ZSCAN2: variants seen among roughly 807,000 people sequenced by gnomAD.
ZSCAN2 encodes zinc finger and SCAN domain containing 2.
In ZSCAN2, 26 loss-of-function variants were observed where a neutral mutation model predicts 47.8. The observed-to-expected ratio is 0.54, with a 90% CI of 0.40 to 0.75. The LOEUF (loss-of-function observed/expected upper bound fraction) is 0.75. ZSCAN2 is among the 30% of genes least tolerant of loss of function. The pLI, the probability that ZSCAN2 is intolerant of heterozygous loss-of-function variation, is 0.00. For missense variants in ZSCAN2, 732 were observed against 785.4 expected, an observed-to-expected ratio of 0.93 and a Z score of 0.81; for synonymous variants, 305 against 288.7, an observed-to-expected ratio of 1.06 and a Z score of -0.57.
rs747880968 is a variant in ZSCAN2 at position 84,616,259 on chromosome 15, C to G, written c.407-4343C>G. On this transcript the variant is annotated intron_variant, in intron 2 of 2. Transcript: ENST00000546148. ...CTCAAAAAAATAAATAAATAAATAC[C>G]TTGGATTAATGTGCGTGGGTCAAAG... The G allele has an allele frequency of 3.7e-5, 34 of 927,080 alleles. No homozygotes were observed. The Admixed American group carries it at 5.6e-4, about 15-fold the overall frequency. The allele number at this position is 927,080 out of a possible 1,614,324, so 57.4% of individuals were successfully genotyped here. A position where few individuals can be genotyped will look rare whatever the true frequency, so the allele number is the denominator to read the frequency against.
Position 84,621,662 on chromosome 15 carries a change from C to A in ZSCAN2, c.1467C>A (p.Leu489=), listed in dbSNP as rs1157796846. Residue 489 remains leucine, a synonymous_variant, in exon 3 of 3, where the codon CTC becomes CTA. Transcript: ENST00000546148. This position sits in a 1 kb window ranked among gnomAD's most constrained non-coding sequence, Gnocchi z 5.7. ...CGESFSWSSN[L]LKHQRIHTGE... is the part of the protein sequence containing the mutation. The stretch of plus-strand genomic sequence containing the variant: ...AGAGCTTCAGCTGGAGCTCCAACCT[C>A]CTCAAGCACCAGAGGATCCACACGG... 1 of 1,613,860 alleles carries A rather than the reference C, an allele frequency of 6.2e-7. No individual in the cohort carries two copies. Among genetic ancestry groups the A allele is most frequent in the African/African-American group, 1.3e-5 (1 of 74,910 alleles).
At position 84,614,842 on chromosome 15, in the gene ZSCAN2, C is replaced by T. The variant is rs571571884; in HGVS notation, c.407-5760C>T. The stretch of plus-strand genomic sequence containing the variant: ...TCTTTCCCCTTGTAAGTGATTTGAT[C>T]CTTTTGCTGTTGTCCACTGGTCTTA... On this transcript the variant is annotated intron_variant, in intron 2 of 2. Coordinates refer to ENST00000546148, the MANE Select transcript of ZSCAN2 (RefSeq NM_181877.4). 2.0e-5 allele frequency: 3 copies of T among 152,212 alleles called. No homozygotes were observed. The East Asian group carries it at 5.8e-4, about 29-fold the overall frequency. 9.4% of individuals were successfully genotyped at this position (152,212 alleles called of 1,614,324 possible).
chr15:84,612,596 G>A (rs527812820), intron 2 of ZSCAN2, among the ~76,000 whole-genome samples: 2 of 152,230 alleles, frequency 1.3e-5, no homozygotes, highest in South Asian at 2.1e-4. Flanking sequence ...TTAGCCGGAC[G>A]TGGTGTCCGG....
chr15:84,603,855 C>A lies in ZSCAN2; in HGVS notation c.-73C>A. 6.5e-7 allele frequency: 1 copy of A among 1,527,440 alleles called. No individual in the cohort carries two copies. The highest frequency in any genetic ancestry group is 1.3e-5 in the South Asian group (1 of 78,164). The allele number at this position is 1,527,440 out of a possible 1,614,324, so 94.6% of individuals were successfully genotyped here. A position where few individuals can be genotyped will look rare whatever the true frequency, so the allele number is the denominator to read the frequency against. On this transcript the variant is annotated 5_prime_UTR_variant, in exon 2 of 3. Coordinates refer to ENST00000546148, the MANE Select transcript of ZSCAN2 (RefSeq NM_181877.4). The stretch of plus-strand genomic sequence containing the variant: ...TGTTGATATTTGAGGAGGGAAGTGT[C>A]TTACCTGAGAGCCTGGCTGGAGAAG...
At chr15:84,601,320 G>A (rs1283350142) in intron 1 of ZSCAN2, 185 bp downstream of exon 1, 1 of 152,242 alleles carries the variant, frequency 6.6e-6, no homozygotes, top group Non-Finnish European at 1.5e-5. Context: ...AACCGTCCCG[G>A]ACGCGTCTCC....
In ZSCAN2 at chr15:84,622,526, TG is replaced by T; in HGVS notation, c.*487del. On this transcript the variant is annotated 3_prime_UTR_variant, in exon 3 of 3. Coordinates refer to ENST00000546148, the MANE Select transcript of ZSCAN2 (RefSeq NM_181877.4). ...GTTAGTGTTCCAGGGCACCCCAAGC[TG>T]TCAGTTAGAATCTGCTCTTCTGGCT... The T allele has an allele frequency of 1.5e-6, 1 of 688,130 alleles. No individual in the cohort carries two copies. The allele number at this position is 688,130 out of a possible 1,614,324, so 42.6% of individuals were successfully genotyped here.
intron 2 of ZSCAN2, among the ~76,000 whole-genome samples, chr15:84,605,616 C>T (rs1340794762): frequency 1.3e-5 from 2 of 152,154 alleles, no homozygotes; most frequent in Admixed American, 1.3e-4. Flanking sequence ...AGGGCTTGGA[C>T]TGAATGTTTT....
Position 84,622,957 on chromosome 15 carries a change from T to G in ZSCAN2, c.*917T>G. ...CACACAGCAGGGTGGGTTTGTGCCTTTGGCCCAACAGGTACATAGCCCCAT... is the reference window on the plus strand; with the variant it reads ...CACACAGCAGGGTGGGTTTGTGCCTGTGGCCCAACAGGTACATAGCCCCAT... On this transcript the variant is annotated 3_prime_UTR_variant, in exon 3 of 3. Coordinates refer to ENST00000546148, the MANE Select transcript of ZSCAN2 (RefSeq NM_181877.4). 2.3e-6 allele frequency: 1 copy of G among 431,248 alleles called. No individual in the cohort carries two copies. Among genetic ancestry groups the G allele is most frequent in the Non-Finnish European group, 4.2e-6 (1 of 237,142 alleles). The allele number at this position is 431,248 out of a possible 1,614,324, so 26.7% of individuals were successfully genotyped here.
chr15:84,604,738 C>CTTTTTTTTTTTTTTTTTT (rs11459006), intron 2 of ZSCAN2, among the ~76,000 whole-genome samples: 1 of 129,026 alleles, frequency 7.8e-6, no homozygotes, highest in Non-Finnish European at 1.6e-5. Context: ...TTTCTTTTTT[C>CTTTTTTTTTTTTTTTTTT]TTTTTTTTTT....
chr15:84,607,279 G>C (rs1895411960), intron 2 of ZSCAN2, among the ~76,000 whole-genome samples: 1 of 151,974 alleles, frequency 6.6e-6, no homozygotes, highest in Non-Finnish European at 1.5e-5. Context: ...CTTCATCCCA[G>C]CTCTTCCACT....
At chr15:84,613,685 T>A (rs1414244346) in intron 2 of ZSCAN2, among the ~76,000 whole-genome samples, 1 of 151,962 alleles carries the variant, frequency 6.6e-6, no homozygotes, top group African/African-American at 2.4e-5. Context: ...TTTCTTTTTT[T>A]TTTTTTTGAG....
Position 84,621,335 on chromosome 15 carries a change from C to G in ZSCAN2, c.1140C>G (p.His380Gln), listed in dbSNP as rs1021044381. The change falls in exon 3 of 3, where the codon CAC becomes CAG. Residue 380 changes from histidine (H) to glutamine (Q), a missense_variant. This residue lies in a region of ZSCAN2 where 412 missense variants were observed against 498.0 expected (regional missense o/e 0.83). Coordinates refer to ENST00000546148, the MANE Select transcript of ZSCAN2 (RefSeq NM_181877.4). This position sits in a 1 kb window ranked among gnomAD's most constrained non-coding sequence, Gnocchi z 5.7. ...SFSYNSNLIR[H>Q]QRIHTGEKPY... ...GTTACAACTCCAATCTAATCAGACACCAGAGAATCCACACAGGAGAGAAAC... is the reference window on the plus strand; with the variant it reads ...GTTACAACTCCAATCTAATCAGACAGCAGAGAATCCACACAGGAGAGAAAC... The G allele has an allele frequency of 1.2e-6, 2 of 1,613,936 alleles. No homozygotes were observed. The highest frequency in any genetic ancestry group is 1.7e-6 in the Non-Finnish European group (2 of 1,179,998).
At chr15:84,614,652 T>C (rs1264244454) in intron 2 of ZSCAN2, 2 of 152,080 alleles carry the variant, frequency 1.3e-5, no homozygotes, top group South Asian at 2.1e-4. Context: ...TTTCCTGAGA[T>C]AGAGTCGCCC....
At chr15:84,612,757 A>C (rs1895589834) in intron 2 of ZSCAN2, among the ~76,000 whole-genome samples, 1 of 152,016 alleles carries the variant, frequency 6.6e-6, no homozygotes, top group African/African-American at 2.4e-5. Flanking sequence ...AAAGGGGGAA[A>C]TGACATTGTA....
intron 2 of ZSCAN2, among the ~76,000 whole-genome samples, chr15:84,618,881 A>T (rs1213696433): frequency 6.6e-6 from 1 of 152,028 alleles, no homozygotes; most frequent in Non-Finnish European, 1.5e-5. Flanking sequence ...TTAATTTCTA[A>T]TGACACTTCT....
At chr15:84,609,348 GTC>G (rs1895479354) in intron 2 of ZSCAN2, among the ~76,000 whole-genome samples, 1 of 151,246 alleles carries the variant, frequency 6.6e-6, no homozygotes, top group Non-Finnish European at 1.5e-5. Flanking sequence ...GAGAGACAAA[GTC>G]TCACTCTGTC....
chr15:84,618,577 T>C (rs1036748889), intron 2 of ZSCAN2, among the ~76,000 whole-genome samples: 9 of 151,528 alleles, frequency 5.9e-5, no homozygotes, highest in Non-Finnish European at 1.0e-4. Context: ...TTTTTTTTTT[T>C]CGAGACAGAG....
chr15:84,601,326 T>G (rs1895196160), intron 1 of ZSCAN2, 191 bp downstream of exon 1: 1 of 152,018 alleles, frequency 6.6e-6, no homozygotes, highest in African/African-American at 2.4e-5. Flanking sequence ...CCCGGACGCG[T>G]CTCCCTGGCG....
At chr15:84,607,982 T>C (rs1403854850) in intron 2 of ZSCAN2, among the ~76,000 whole-genome samples, 1 of 152,236 alleles carries the variant, frequency 6.6e-6, no homozygotes, top group Non-Finnish European at 1.5e-5. Flanking sequence ...TCACCTCTGC[T>C]AGAAGTCGTC....
Sources: allele counts gnomAD v4.1 joint callset (sites outside exome capture counted in the v4.1 genomes callset), GRCh38; gene constraint gnomAD v4.1.1; regional missense constraint gnomAD v4.1.1; non-coding constraint Gnocchi (gnomAD v3.1); transcripts MANE v1.5; gene names NCBI Gene and HGNC (gene_info 2026-07-23, HGNC 2026-07-21).